EPAS1: variants seen among roughly 807,000 people sequenced by gnomAD.
The protein encoded by EPAS1 is endothelial PAS domain protein 1.
EPAS1 carries 23 observed loss-of-function variants against 87.9 expected under a neutral mutation model. The observed-to-expected ratio is 0.26, with a 90% CI of 0.19 to 0.37. EPAS1 has a LOEUF of 0.37. Ranked by LOEUF, EPAS1 falls within the 10% of genes least tolerant of loss-of-function variation. EPAS1 has a pLI of 1.00. For missense variants in EPAS1, 1,138 were observed against 1,120.7 expected (o/e 1.02, Z -0.22); for synonymous variants, 508 against 444.3 (o/e 1.14, Z -1.80).
chr2:46,329,729 G>A (rs1175578695), intron 1 of EPAS1, among the ~76,000 whole-genome samples: 2 of 152,120 alleles, frequency 1.3e-5, no homozygotes, highest in African/African-American at 4.8e-5. Flanking sequence ...GGCTGAGGCG[G>A]GAGAATCGCT....
chr2:46,324,224 G>A (rs971509468), intron 1 of EPAS1, among the ~76,000 whole-genome samples: 56 of 151,972 alleles, frequency 3.7e-4, no homozygotes, highest in African/African-American at 1.3e-3. Context: ...CCGCCACCAC[G>A]CCTGGCTAAT....
At chr2:46,351,507 C>G (rs984014915) in intron 2 of EPAS1, among the ~76,000 whole-genome samples, 1 of 152,106 alleles carries the variant, frequency 6.6e-6, no homozygotes, top group Admixed American at 6.5e-5. Context: ...GTAAGCGATC[C>G]CAGAGTGATT....
At chr2:46,379,518 C>A (rs1331663395) in intron 11 of EPAS1, among the ~76,000 whole-genome samples, 1 of 152,244 alleles carries the variant, frequency 6.6e-6, no homozygotes, top group African/African-American at 2.4e-5. Context: ...TTAATCACAG[C>A]TATCTGCTTC....
intron 1 of EPAS1, among the ~76,000 whole-genome samples, chr2:46,323,304 A>G (rs76126061): frequency 0.01 from 1,567 of 152,364 alleles, 27 homozygotes; most frequent in African/African-American, 0.036. Context: ...GGTGATGGAT[A>G]TAAAATAGTG....
At position 46,346,505 on chromosome 2, in the gene EPAS1, C is replaced by T. The variant is rs1032187070; in HGVS notation, c.27-368C>T. ...CCATCTGAGCCACTGATCATAGCTTCCTTACCCTTCTCTTTCCATCCCTGG... is the reference window on the plus strand; with the variant it reads ...CCATCTGAGCCACTGATCATAGCTTTCTTACCCTTCTCTTTCCATCCCTGG... On this transcript the variant is annotated intron_variant, in intron 1 of 15. Transcript: ENST00000263734. The surrounding 1 kb of genome is among the most constrained non-coding windows in gnomAD (Gnocchi z 4.0). Among the ~76,000 whole-genome samples, 4 of 152,224 alleles carry T rather than the reference C, an allele frequency of 2.6e-5. No individual in the cohort carries two copies. Among genetic ancestry groups the T allele is most frequent in the Non-Finnish European group, 5.9e-5 (4 of 68,042 alleles).
At chr2:46,311,385 G>T (rs1285849193) in intron 1 of EPAS1, among the ~76,000 whole-genome samples, 2 of 152,166 alleles carry the variant, frequency 1.3e-5, no homozygotes, top group African/African-American at 2.4e-5. Context: ...AAGGAGCCTG[G>T]ACTGTCAGAA....
At chr2:46,384,169 T>C (rs1425442434) in intron 15 of EPAS1, among the ~76,000 whole-genome samples, 4 of 152,252 alleles carry the variant, frequency 2.6e-5, no homozygotes, top group African/African-American at 7.2e-5. Flanking sequence ...GCATGTTCTG[T>C]GTATGTGAGC....
chr2:46,371,303 A>C lies in EPAS1; in HGVS notation c.886+1370A>C, dbSNP rs577130184. ...CAGCCAGCAGAGTCACAACCCCGCA[A>C]GCTGTATGTGAACATGGTTAACCCA... On this transcript the variant is annotated intron_variant, in intron 7 of 15. Transcript: ENST00000263734. The surrounding 1 kb of genome is among the most constrained non-coding windows in gnomAD (Gnocchi z 4.3). 1.0e-3 allele frequency among the ~76,000 whole-genome samples: 152 copies of C among 152,280 alleles called. 1 individual carries two copies. The South Asian group carries it at 0.017, about 17-fold the overall frequency.
intron 6 of EPAS1, among the ~76,000 whole-genome samples, chr2:46,367,889 C>T (rs926654379): frequency 6.6e-6 from 1 of 152,182 alleles, no homozygotes; most frequent in Non-Finnish European, 1.5e-5. Flanking sequence ...ACTATCATGA[C>T]AGGTTCTGTG....
chr2:46,321,797 AG>A (rs1683459066), intron 1 of EPAS1, among the ~76,000 whole-genome samples: 1 of 152,040 alleles, frequency 6.6e-6, no homozygotes, highest in South Asian at 2.1e-4. Flanking sequence ...TGGGAGTGAA[AG>A]GTGTCAGGGA....
intron 6 of EPAS1, among the ~76,000 whole-genome samples, chr2:46,366,513 T>C (rs1684504871): frequency 6.6e-6 from 1 of 151,970 alleles, no homozygotes; most frequent in South Asian, 2.1e-4. Flanking sequence ...TCTGCATCTC[T>C]CTCCTCACTG....
At chr2:46,340,178 G>T (rs1230979087) in intron 1 of EPAS1, among the ~76,000 whole-genome samples, 1 of 152,018 alleles carries the variant, frequency 6.6e-6, no homozygotes, top group South Asian at 2.1e-4. Context: ...GGGCTGCTTA[G>T]TAATCGAATC....
intron 1 of EPAS1, among the ~76,000 whole-genome samples, chr2:46,303,757 C>A (rs369536857): frequency 6.6e-6 from 1 of 152,210 alleles, no homozygotes; most frequent in Admixed American, 6.5e-5. Flanking sequence ...ATGGAAAAGG[C>A]AAGCCCTTGC....
chr2:46,298,961 C>T (rs1265734640), intron 1 of EPAS1, among the ~76,000 whole-genome samples: 1 of 152,232 alleles, frequency 6.6e-6, no homozygotes, highest in East Asian at 1.9e-4. Flanking sequence ...CGCGCTTGGC[C>T]GCGGCTTGGC....
rs1684030560 is a variant in EPAS1 at position 46,346,558 on chromosome 2, A to G, written c.27-315A>G. ...ATTCACCCCTATCCCCAGATATTCCAGGGCTAGGTCCCAGGCATTGGTAGT... is the reference window on the plus strand; with the variant it reads ...ATTCACCCCTATCCCCAGATATTCCGGGGCTAGGTCCCAGGCATTGGTAGT... On this transcript the variant is annotated intron_variant, in intron 1 of 15. Transcript: ENST00000263734. This position sits in a 1 kb window ranked among gnomAD's most constrained non-coding sequence, Gnocchi z 4.0. Among the ~76,000 whole-genome samples the G allele has an allele frequency of 6.6e-6, 1 of 152,154 alleles. No homozygotes were observed.
intron 1 of EPAS1, among the ~76,000 whole-genome samples, chr2:46,301,801 A>C (rs1251220924): frequency 1.4e-5 from 2 of 146,720 alleles, no homozygotes; most frequent in African/African-American, 2.5e-5. Context: ...CTGCAGTAGA[A>C]GTGATGATTC....
In EPAS1 at chr2:46,380,043, G is replaced by T. The variant is rs1306744695; in HGVS notation, c.1555-184G>T. The T allele has an allele frequency of 3.5e-6, 3 of 864,790 alleles. No individual in the cohort carries two copies. In the Admixed American group the frequency reaches 5.3e-5, roughly 15 times the overall value. The allele number at this position is 864,790 out of a possible 1,614,324, so 53.6% of individuals were successfully genotyped here. On this transcript the variant is annotated intron_variant, in intron 11 of 15. Transcript: ENST00000263734. The surrounding 1 kb of genome is among the most constrained non-coding windows in gnomAD (Gnocchi z 4.4). Reference sequence around the variant, plus strand: ...GGGGAAGGCTGGTACATGATACAAGGTCGTGTACATGACACAGCCAAGTCT... The same window carrying T: ...GGGGAAGGCTGGTACATGATACAAGTTCGTGTACATGACACAGCCAAGTCT...
chr2:46,380,630 C>G lies in EPAS1; in HGVS notation c.1958C>G (p.Ala653Gly), dbSNP rs927242408. The change falls in exon 12 of 16, where the codon GCC (alanine) becomes GGC (glycine). Residue 653 changes from alanine (A) to glycine (G), a missense_variant. By Grantham distance (60) the Ala-to-Gly change is moderately conservative. Transcript: ENST00000263734. This position sits in a 1 kb window ranked among gnomAD's most constrained non-coding sequence, Gnocchi z 4.4. ...PPLHFGPTKW[A>G]VGDQRTEFLG... ...TTACATTTTGGGCCCACAAAGTGGGCCGTCGGGGATCAGCGCACAGAGTTC... is the reference window on the plus strand; with the variant it reads ...TTACATTTTGGGCCCACAAAGTGGGGCGTCGGGGATCAGCGCACAGAGTTC... 6.2e-7 allele frequency: 1 copy of G among 1,613,968 alleles called. No homozygotes were observed. The highest frequency in any genetic ancestry group is 8.5e-7 in the Non-Finnish European group (1 of 1,179,984).
chr2:46,360,928 C>T lies in EPAS1; in HGVS notation c.617C>T (p.Pro206Leu), dbSNP rs776254639. ...TGQVKVYNNC[P>L]PHNSLCGYKE... is the part of the protein sequence containing the mutation. ...CAGGTGAAAGTCTACAACAACTGCC[C>T]TCCTCACAATAGTCTGTGTGGCTAC... Residue 206 changes from proline to leucine, a missense_variant, in exon 6 of 16, where the codon CCT becomes CTT. Transcript: ENST00000263734. The surrounding 1 kb of genome is among the most constrained non-coding windows in gnomAD (Gnocchi z 4.5). 1.9e-6 allele frequency: 3 copies of T among 1,614,224 alleles called. No individual in the cohort carries two copies. Among genetic ancestry groups the T allele is most frequent in the East Asian group, 2.2e-5 (1 of 44,880 alleles).
Sources: allele counts gnomAD v4.1 joint callset (sites outside exome capture counted in the v4.1 genomes callset), GRCh38; gene constraint gnomAD v4.1.1; non-coding constraint Gnocchi (gnomAD v3.1); transcripts MANE v1.5; gene names NCBI Gene and HGNC (gene_info 2026-07-23, HGNC 2026-07-21).